SULT1B1: variants seen among roughly 807,000 people sequenced by gnomAD.
SULT1B1 encodes sulfotransferase family 1B member 1.
SULT1B1 carries 28 observed loss-of-function variants against 34.6 expected under a neutral mutation model. That is an observed-to-expected ratio of 0.81 (90% CI 0.60 to 1.11). The LOEUF (loss-of-function observed/expected upper bound fraction) is 1.11. SULT1B1 is among the 50% of genes least tolerant of loss of function. The pLI, the probability that SULT1B1 is intolerant of heterozygous loss-of-function variation, is 0.00. For synonymous variants in SULT1B1, 147 were observed against 110.2 expected (o/e 1.33, Z -2.09); for missense variants, 374 against 352.2 (o/e 1.06, Z -0.50).
intron 4 of SULT1B1, among the ~76,000 whole-genome samples, chr4:69,737,720 A>C (rs1012738915): frequency 2.0e-5 from 3 of 152,188 alleles, no homozygotes; most frequent in African/African-American, 7.2e-5. Context: ...ATATTCAAAA[A>C]TATTATAAAT....
intron 6 of SULT1B1, among the ~76,000 whole-genome samples, chr4:69,731,297 T>C (rs1213680265): frequency 6.6e-6 from 1 of 152,124 alleles, no homozygotes; most frequent in Non-Finnish European, 1.5e-5. Flanking sequence ...ATGTGAGGGA[T>C]CTAAGTTGCA....
rs947665535 is a variant in SULT1B1, at chr4:69,723,345, T to C, written c.*3743A>G. On this transcript the variant is annotated 3_prime_UTR_variant, in exon 8 of 8. Coordinates refer to ENST00000310613, the MANE Select transcript of SULT1B1 (RefSeq NM_014465.4). Reference sequence around the variant, plus strand: ...ACCAGGAAGAAGTTGAATCTCTGAATAGAAAAATAACATGCTCTGAAATAG... The same window carrying C: ...ACCAGGAAGAAGTTGAATCTCTGAACAGAAAAATAACATGCTCTGAAATAG... 23 of 152,238 alleles carry C rather than the reference T, an allele frequency of 1.5e-4. No homozygotes were observed. Among genetic ancestry groups the C allele is most frequent in the African/African-American group, 5.3e-4 (22 of 41,546 alleles). The allele number at this position is 152,238 out of a possible 1,614,324, so 9.4% of individuals were successfully genotyped here. A position where few individuals can be genotyped will look rare whatever the true frequency, so the allele number is the denominator to read the frequency against.
At chr4:69,738,804 A>G (rs1041562285) in intron 4 of SULT1B1, among the ~76,000 whole-genome samples, 2 of 152,218 alleles carry the variant, frequency 1.3e-5, no homozygotes, top group Admixed American at 6.5e-5. Flanking sequence ...GCCTGTGAGC[A>G]TGTAAAATTG....
intron 4 of SULT1B1, among the ~76,000 whole-genome samples, chr4:69,746,701 A>T (rs1043625657): frequency 6.6e-6 from 1 of 152,180 alleles, no homozygotes; most frequent in African/African-American, 2.4e-5. Context: ...TGTCATTTCA[A>T]CAATTTCAAT....
chr4:69,730,395 G>GCTTAAAC lies in SULT1B1; in HGVS notation c.778+99_778+105dup. The GCTTAAAC allele has an allele frequency of 2.9e-6, 3 of 1,032,080 alleles. No individual in the cohort carries two copies. In the South Asian group the frequency reaches 6.4e-5, roughly 22 times the overall value. 63.9% of individuals were successfully genotyped at this position (1,032,080 alleles called of 1,614,324 possible). A position where few individuals can be genotyped will look rare whatever the true frequency, so the allele number is the denominator to read the frequency against. On this transcript the variant is annotated intron_variant, in intron 7 of 7. Transcript: ENST00000310613. Reference sequence around the variant, plus strand: ...TTTGGTGGTAGGTATTTGCTATAAAGCTTAAACAGGCTAAGAAACTTAGTA... The same window carrying GCTTAAAC: ...TTTGGTGGTAGGTATTTGCTATAAAGCTTAAACCTTAAACAGGCTAAGAAACTTAGTA...
chr4:69,728,068 C>CTA (rs1229232100), intron 7 of SULT1B1, among the ~76,000 whole-genome samples: 3 of 151,898 alleles, frequency 2.0e-5, no homozygotes, highest in African/African-American at 7.2e-5. Context: ...ACATTTTGTT[C>CTA]TATGTTCACC....
Position 69,752,191 on chromosome 4 carries a change from T to C in SULT1B1, c.278-2373A>G, listed in dbSNP as rs554860261. ...ATGCTAAGTAAAAAATGTTGAGTAT[T>C]TATACTTGAATTTTAAGTTGAAATC... On this transcript the variant is annotated intron_variant, in intron 3 of 7. Transcript: ENST00000310613. Among the ~76,000 whole-genome samples, 4 of 152,356 alleles carry C rather than the reference T, an allele frequency of 2.6e-5. No individual in the cohort carries two copies. In the East Asian group the frequency reaches 7.7e-4, roughly 29 times the overall value.
intron 4 of SULT1B1, among the ~76,000 whole-genome samples, chr4:69,744,711 C>A (rs893941518): frequency 2.6e-5 from 4 of 152,142 alleles, no homozygotes; most frequent in African/African-American, 9.7e-5. Context: ...TGGATTTTCA[C>A]ATCTCAGTTT....
At chr4:69,745,428 G>A (rs1476960279) in intron 4 of SULT1B1, among the ~76,000 whole-genome samples, 1 of 152,162 alleles carries the variant, frequency 6.6e-6, no homozygotes, top group Non-Finnish European at 1.5e-5. Flanking sequence ...ACACCTTCTT[G>A]TTGAATTGAA....
In SULT1B1 at chr4:69,723,212, A is replaced by C. The variant is rs1036664687; in HGVS notation, c.*3876T>G. 1 of 152,226 alleles carries C rather than the reference A, an allele frequency of 6.6e-6. No homozygotes were observed. The highest frequency in any genetic ancestry group is 2.4e-5 in the African/African-American group (1 of 41,456). The allele number at this position is 152,226 out of a possible 1,614,324, so 9.4% of individuals were successfully genotyped here. On this transcript the variant is annotated 3_prime_UTR_variant, in exon 8 of 8. Transcript: ENST00000310613. ...GATATCACCACCGATGATCCCACAG[A>C]AATACAAACTACCGTCAGAGAATAC... is the stretch of plus-strand genomic sequence containing the variant.
intron 4 of SULT1B1, among the ~76,000 whole-genome samples, chr4:69,741,364 G>A (rs1241327828): frequency 6.6e-6 from 1 of 152,042 alleles, no homozygotes; most frequent in East Asian, 1.9e-4. Context: ...TAGCTATTTG[G>A]GTTCTTTTTT....
At chr4:69,754,949 T>A in intron 2 of SULT1B1, 121 bp downstream of exon 2, 1 of 1,231,442 alleles carries the variant, frequency 8.1e-7, no homozygotes. Context: ...TATACTAAAA[T>A]AGATGGCTGC....
At chr4:69,732,325 C>A (rs1287762685) in intron 6 of SULT1B1, among the ~76,000 whole-genome samples, 1 of 152,046 alleles carries the variant, frequency 6.6e-6, no homozygotes, top group African/African-American at 2.4e-5. Flanking sequence ...TACGAGAAAC[C>A]CCTGGGAGTT....
At position 69,726,961 on chromosome 4, in the gene SULT1B1, C is replaced by G. The variant is rs1373893507; in HGVS notation, c.*127G>C. The G allele has an allele frequency of 1.4e-5, 8 of 579,408 alleles. No individual in the cohort carries two copies. The highest frequency in any genetic ancestry group is 1.9e-5 in the Non-Finnish European group (7 of 360,186). 35.9% of individuals were successfully genotyped at this position (579,408 alleles called of 1,614,324 possible). A position where few individuals can be genotyped will look rare whatever the true frequency, so the allele number is the denominator to read the frequency against. On this transcript the variant is annotated 3_prime_UTR_variant, in exon 8 of 8. Coordinates refer to ENST00000310613, the MANE Select transcript of SULT1B1 (RefSeq NM_014465.4). Reference sequence around the variant, plus strand: ...TCTGATTAATAACATTGAAAAGAATCAACATATTAAAAGCATATTATTCTC... The same window carrying G: ...TCTGATTAATAACATTGAAAAGAATGAACATATTAAAAGCATATTATTCTC...
chr4:69,742,231 G>A (rs1198469404), intron 4 of SULT1B1, among the ~76,000 whole-genome samples: 3 of 152,166 alleles, frequency 2.0e-5, no homozygotes, highest in African/African-American at 7.2e-5. Flanking sequence ...ACTTGATTAT[G>A]ATGGATTAGA....
At chr4:69,757,999 T>G (rs569102586) in intron 1 of SULT1B1, among the ~76,000 whole-genome samples, 1 of 152,220 alleles carries the variant, frequency 6.6e-6, no homozygotes, top group South Asian at 2.1e-4. Flanking sequence ...TTTAGGAAAA[T>G]TATATTCAAT....
chr4:69,730,115 G>A (rs1366721671), intron 7 of SULT1B1, among the ~76,000 whole-genome samples: 1 of 152,004 alleles, frequency 6.6e-6, no homozygotes, highest in African/African-American at 2.4e-5. Context: ...GGACTTTAAA[G>A]ACTATGGTAC....
intron 7 of SULT1B1, among the ~76,000 whole-genome samples, chr4:69,728,990 A>C (rs889611123): frequency 6.6e-6 from 1 of 151,902 alleles, no homozygotes; most frequent in Non-Finnish European, 1.5e-5. Context: ...TTTTCTATTG[A>C]GGTTGGAGAA....
At chr4:69,740,453 T>C (rs751532792) in intron 4 of SULT1B1, among the ~76,000 whole-genome samples, 8 of 152,214 alleles carry the variant, frequency 5.3e-5, no homozygotes, top group Non-Finnish European at 1.0e-4. Flanking sequence ...TCACTCACTA[T>C]CATGATAACA....
Sources: gnomAD v4.1 joint callset for allele counts (sites outside exome capture counted in the v4.1 genomes callset) on GRCh38, gnomAD v4.1.1 for gene constraint, MANE v1.5 for transcripts, NCBI Gene and HGNC (gene_info 2026-07-23, HGNC 2026-07-21) for gene names.